Variants in PRKAG2 observed in about 807,000 individuals in gnomAD.
PRKAG2 encodes the protein protein kinase AMP-activated non-catalytic subunit gamma 2.
In PRKAG2, 26 loss-of-function variants were observed where a neutral mutation model predicts 69.6. The ratio of observed to expected loss-of-function variants is 0.37; its 90% CI spans 0.27 to 0.52. The LOEUF is 0.52. PRKAG2 is among the 20% of genes least tolerant of loss of function. PRKAG2 has a pLI of 0.90. For synonymous variants in PRKAG2, 293 were observed against 285.0 expected, an observed-to-expected ratio of 1.03 and a Z score of -0.28; for missense variants, 557 against 740.0, an observed-to-expected ratio of 0.75 and a Z score of 2.87.
In PRKAG2 at chr7:151,739,935, C is replaced by A. The variant is rs28413026; in HGVS notation, c.466+41217G>T. 8.2e-3 allele frequency among the ~76,000 whole-genome samples: 1,249 copies of A among 152,262 alleles called. 22 individuals carry two copies. Among genetic ancestry groups the A allele is most frequent in the African/African-American group, 0.027 (1,142 of 41,542 alleles). ...CCCTCATCACTCCCCAAAGAGGGGA[C>A]TTTTCTCTCCTTTGAAAGATTTTAG... On this transcript the variant is annotated intron_variant, in intron 3 of 15. Transcript: ENST00000287878.
chr7:151,636,941 G>A (rs960001968), intron 4 of PRKAG2, among the ~76,000 whole-genome samples: 32 of 152,120 alleles, frequency 2.1e-4, no homozygotes, highest in Admixed American at 3.3e-4. Flanking sequence ...CTGACCTCAG[G>A]TGATCCACCC....
intron 15 of PRKAG2, chr7:151,558,442 G>T (rs1390003322): frequency 3.0e-6 from 3 of 985,192 alleles, no homozygotes; most frequent in African/African-American, 3.5e-5. Flanking sequence ...AGGGAGACGG[G>T]CCTGTATCAG....
chr7:151,790,214 T>G (rs1180902820), intron 1 of PRKAG2, among the ~76,000 whole-genome samples: 1 of 152,182 alleles, frequency 6.6e-6, no homozygotes, highest in East Asian at 1.9e-4. Flanking sequence ...TTCCTTCCTC[T>G]GAGCTCTCTT....
chr7:151,619,913 C>T (rs1233755988), intron 5 of PRKAG2, among the ~76,000 whole-genome samples: 7 of 152,034 alleles, frequency 4.6e-5, no homozygotes, highest in African/African-American at 1.4e-4. Context: ...CCCAGCTACT[C>T]GGGAGGCTGA....
At position 151,697,311 on chromosome 7, in the gene PRKAG2, C is replaced by A. The variant is rs543113314; in HGVS notation, c.467-21674G>T. ...GCAGGGAGAAGTGGTGGACCTGTGT[C>A]CGAGCATCAGGGGGCGCTGCAAGTG... On this transcript the variant is annotated intron_variant, in intron 3 of 15. Coordinates refer to ENST00000287878, the MANE Select transcript of PRKAG2 (RefSeq NM_016203.4). Among the ~76,000 whole-genome samples the A allele has an allele frequency of 2.0e-4, 30 of 152,256 alleles. No individual in the cohort carries two copies. In the East Asian group the frequency reaches 5.4e-3, roughly 27 times the overall value.
At position 151,632,189 on chromosome 7, in the gene PRKAG2, C is replaced by G. The variant is rs1416581359; in HGVS notation, c.685-51G>C. ...TCAGCATGAGCTGCGACGCTCGTCC[C>G]CGGCCGGCGGGCTCGCGGCCGGCCG... On this transcript the variant is annotated intron_variant, in intron 4 of 15. Transcript: ENST00000287878. The surrounding 1 kb of genome is among the most constrained non-coding windows in gnomAD (Gnocchi z 4.2). 4.9e-6 allele frequency: 6 copies of G among 1,217,862 alleles called. No individual in the cohort carries two copies. Among genetic ancestry groups the G allele is most frequent in the Non-Finnish European group, 6.2e-6 (6 of 971,860 alleles). 75.4% of individuals were successfully genotyped at this position (1,217,862 alleles called of 1,614,324 possible).
intron 1 of PRKAG2, among the ~76,000 whole-genome samples, chr7:151,843,483 G>A (rs1466069561): frequency 3.3e-5 from 5 of 152,318 alleles, no homozygotes; most frequent in African/African-American, 1.2e-4. Flanking sequence ...TTTCCCAAAA[G>A]TTTCATGAAT....
In PRKAG2 at chr7:151,729,111, G is replaced by GC. The variant is rs1798485159; in HGVS notation, c.466+52040_466+52041insG. On this transcript the variant is annotated intron_variant, in intron 3 of 15. Transcript: ENST00000287878. ...CAGCGCTTGGTGACAGTGACGTAGG[G>GC]AGAACAGGCAGATGGGTTATGAGCT... 1.4e-4 allele frequency among the ~76,000 whole-genome samples: 20 copies of GC among 147,434 alleles called. No individual in the cohort carries two copies. The South Asian group carries it at 4.4e-3, about 33-fold the overall frequency.
chr7:151,581,448 G>A (rs1810448025), intron 6 of PRKAG2, among the ~76,000 whole-genome samples: 3 of 152,138 alleles, frequency 2.0e-5, no homozygotes, highest in Admixed American at 6.5e-5. Context: ...CCACGTGAGA[G>A]CCAAACAAGA....
chr7:151,845,308 C>T (rs898820299), intron 1 of PRKAG2, among the ~76,000 whole-genome samples: 8 of 152,162 alleles, frequency 5.3e-5, no homozygotes, highest in Non-Finnish European at 8.8e-5. Context: ...CTGATCAGAA[C>T]CTTGAGCTGC....
At chr7:151,661,316 T>A (rs1830282992) in intron 4 of PRKAG2, among the ~76,000 whole-genome samples, 1 of 152,196 alleles carries the variant, frequency 6.6e-6, no homozygotes, top group Admixed American at 6.5e-5. Flanking sequence ...TAGCTGGGAC[T>A]ACAGGCACAA....
chr7:151,560,868 G>A (rs544406090), intron 14 of PRKAG2, among the ~76,000 whole-genome samples: 36 of 152,178 alleles, frequency 2.4e-4, no homozygotes, highest in Non-Finnish European at 2.9e-4. Flanking sequence ...GGCCAAGATC[G>A]CACCAGTGCA....
intron 1 of PRKAG2, among the ~76,000 whole-genome samples, chr7:151,867,417 A>G (rs2080107478): frequency 6.6e-6 from 1 of 152,068 alleles, no homozygotes; most frequent in Non-Finnish European, 1.5e-5. Context: ...TCCACCCTTC[A>G]GCGGCCCATA....
intron 3 of PRKAG2, among the ~76,000 whole-genome samples, chr7:151,683,738 G>A (rs1244006075): frequency 6.6e-6 from 1 of 152,146 alleles, no homozygotes; most frequent in Non-Finnish European, 1.5e-5. Flanking sequence ...CCCAACGAAA[G>A]TGCCACAGCC....
At chr7:151,623,363 C>CAAAAAAAAAAAAAAAA in intron 5 of PRKAG2, among the ~76,000 whole-genome samples, 1 of 36,676 alleles carries the variant, frequency 2.7e-5, no homozygotes, top group Admixed American at 5.1e-4. Flanking sequence ...GACTCTGTCT[C>CAAAAAAAAAAAAAAAA]AAAAAAAAAA....
Position 151,675,785 on chromosome 7 carries a change from C to T in PRKAG2, c.467-148G>A, listed in dbSNP as rs528061694. Reference sequence around the variant, plus strand: ...GGGACGTCGGGGGCAGTCAGAGGTCCGGCCTCCAGGAAGGGACATTGGAGG... The same window carrying T: ...GGGACGTCGGGGGCAGTCAGAGGTCTGGCCTCCAGGAAGGGACATTGGAGG... On this transcript the variant is annotated intron_variant, in intron 3 of 15. Transcript: ENST00000287878. The T allele has an allele frequency of 1.2e-4, 90 of 779,960 alleles. No homozygotes were observed. In the East Asian group the frequency reaches 1.4e-3, roughly 12 times the overall value. The allele number at this position is 779,960 out of a possible 1,614,324, so 48.3% of individuals were successfully genotyped here. A position where few individuals can be genotyped will look rare whatever the true frequency, so the allele number is the denominator to read the frequency against.
rs1404613603 is a variant in PRKAG2 at position 151,783,202 on chromosome 7, AGAGCCGGCGCCGCCACGTG to A, written c.187-1790_187-1772del. Among the ~76,000 whole-genome samples the A allele has an allele frequency of 2.0e-5, 3 of 152,262 alleles. No homozygotes were observed. The East Asian group carries it at 5.8e-4, about 29-fold the overall frequency. ...TCCCCGCGCGGCCTCTCCAGCCGAAAGAGCCGGCGCCGCCACGTGGAGGTGTAGGTCCGGCCTGGCGCGG... is the reference window on the plus strand; with the variant it reads ...TCCCCGCGCGGCCTCTCCAGCCGAAAGAGGTGTAGGTCCGGCCTGGCGCGG... On this transcript the variant is annotated intron_variant, in intron 2 of 15. Coordinates refer to ENST00000287878, the MANE Select transcript of PRKAG2 (RefSeq NM_016203.4).
intron 1 of PRKAG2, among the ~76,000 whole-genome samples, chr7:151,861,621 T>C (rs1283891322): frequency 6.6e-6 from 1 of 151,182 alleles, no homozygotes; most frequent in Non-Finnish European, 1.5e-5. Context: ...GATGGGATGG[T>C]GGCCACAGCT....
At chr7:151,819,384 T>C (rs1214812123) in intron 1 of PRKAG2, among the ~76,000 whole-genome samples, 1 of 152,168 alleles carries the variant, frequency 6.6e-6, no homozygotes, top group Non-Finnish European at 1.5e-5. Context: ...TTTGTTGTCA[T>C]AGGCCACCAG....
Sources: allele counts gnomAD v4.1 joint callset (sites outside exome capture counted in the v4.1 genomes callset), GRCh38; gene constraint gnomAD v4.1.1; non-coding constraint Gnocchi (gnomAD v3.1); transcripts MANE v1.5; gene names NCBI Gene and HGNC (gene_info 2026-07-23, HGNC 2026-07-21).